The following LINGO2 variants were observed in gnomAD, a reference collection of about 807,000 sequenced individuals.
LINGO2 encodes leucine rich repeat and Ig domain containing 2.
LINGO2 carries 14 observed loss-of-function variants against 30.6 expected under a neutral mutation model. That is an observed-to-expected ratio of 0.46 (90% CI 0.30 to 0.72). The LOEUF (loss-of-function observed/expected upper bound fraction) is 0.72. LINGO2 is among the 30% of genes least tolerant of loss of function. The pLI is 0.07. For missense variants in LINGO2, 729 were observed against 751.7 expected (o/e 0.97, Z 0.35); for synonymous variants, 317 against 288.5 (o/e 1.10, Z -1.00).
chr9:28,858,643 C>A, the LINGO2 span, among the ~76,000 whole-genome samples: 1 of 151,978 alleles, frequency 6.6e-6, no homozygotes, highest in African/African-American at 2.4e-5. Context: ...ACTTCAGAGT[C>A]ACACATTTAG....
At chr9:28,990,698 C>T in the LINGO2 span, among the ~76,000 whole-genome samples, 57 of 152,204 alleles carry the variant, frequency 3.7e-4, no homozygotes, top group African/African-American at 1.2e-3. Context: ...TCGCGGTTCA[C>T]GAAAATCCGC....
chr9:29,177,272 AATAT>A, the LINGO2 span, among the ~76,000 whole-genome samples: 1 of 152,196 alleles, frequency 6.6e-6, no homozygotes, highest in African/African-American at 2.4e-5. Context: ...TTCCCAATAG[AATAT>A]ATACTTACAA....
chr9:28,493,795 G>C (rs528895778), intron 1 of LINGO2, among the ~76,000 whole-genome samples: 1 of 152,054 alleles, frequency 6.6e-6, no homozygotes, highest in African/African-American at 2.4e-5. Context: ...CTGCCAGCAC[G>C]GTCAGAATAA....
chr9:28,090,388 G>C (rs551693312), intron 4 of LINGO2, among the ~76,000 whole-genome samples: 1 of 152,278 alleles, frequency 6.6e-6, no homozygotes, highest in Admixed American at 6.5e-5. Context: ...CTTCATCTCT[G>C]GGATGCAAGG....
the LINGO2 span, among the ~76,000 whole-genome samples, chr9:29,017,781 C>T: frequency 6.6e-6 from 1 of 152,118 alleles, no homozygotes; most frequent in African/African-American, 2.4e-5. Context: ...GGGACCTGTG[C>T]AATCCTGCAA....
At chr9:28,991,042 A>C in the LINGO2 span, among the ~76,000 whole-genome samples, 1 of 152,218 alleles carries the variant, frequency 6.6e-6, no homozygotes, top group Non-Finnish European at 1.5e-5. Context: ...TGAGAGAAGA[A>C]GGCTTCAGAC....
chr9:28,851,959 C>G, the LINGO2 span, among the ~76,000 whole-genome samples: 1 of 151,878 alleles, frequency 6.6e-6, no homozygotes, highest in South Asian at 2.1e-4. Flanking sequence ...TAGTCCTCCT[C>G]TACTAGATAC....
At chr9:28,990,640 G>T in the LINGO2 span, among the ~76,000 whole-genome samples, 2 of 152,070 alleles carry the variant, frequency 1.3e-5, no homozygotes, top group Non-Finnish European at 2.9e-5. Context: ...ACACGGCCGG[G>T]TACTCCTCTG....
the LINGO2 span, among the ~76,000 whole-genome samples, chr9:28,962,938 C>G: frequency 2.0e-5 from 3 of 151,872 alleles, no homozygotes; most frequent in African/African-American, 7.2e-5. Context: ...CCTTTACCTT[C>G]TCAATACTCC....
chr9:29,036,740 C>T, the LINGO2 span, among the ~76,000 whole-genome samples: 1 of 151,880 alleles, frequency 6.6e-6, no homozygotes, highest in East Asian at 1.9e-4. Context: ...TTGTTCAATG[C>T]TACTACAGAA....
the LINGO2 span, among the ~76,000 whole-genome samples, chr9:28,747,598 C>G: frequency 4.2e-4 from 64 of 152,194 alleles, no homozygotes; most frequent in Non-Finnish European, 6.5e-4. Context: ...AGTGCGTGCC[C>G]TGGCTCCTGC....
intron 1 of LINGO2, among the ~76,000 whole-genome samples, chr9:28,498,387 C>T (rs58305915): frequency 0.025 from 3,732 of 152,298 alleles, 130 homozygotes; most frequent in East Asian, 0.094. Context: ...CTCGCTGCTG[C>T]CTTGCAGTTA....
intron 4 of LINGO2, among the ~76,000 whole-genome samples, chr9:28,293,158 T>A (rs944678853): frequency 2.0e-5 from 3 of 152,106 alleles, no homozygotes; most frequent in African/African-American, 7.2e-5. Flanking sequence ...AATGCAGTAG[T>A]GCTATCATAG....
At position 28,129,641 on chromosome 9, in the gene LINGO2, G is replaced by T. The variant is rs767405723; in HGVS notation, c.-86-117236C>A. 5 of 152,202 alleles carry T rather than the reference G, an allele frequency of 3.3e-5. No individual in the cohort carries two copies. Among genetic ancestry groups the T allele is most frequent in the Non-Finnish European group, 5.9e-5 (4 of 68,036 alleles). The allele number at this position is 152,202 out of a possible 1,614,324, so 9.4% of individuals were successfully genotyped here. A position where few individuals can be genotyped will look rare whatever the true frequency, so the allele number is the denominator to read the frequency against. On this transcript the variant is annotated intron_variant, in intron 4 of 5. Coordinates refer to ENST00000379992, the Ensembl canonical transcript of LINGO2. The surrounding 1 kb of genome is among the most constrained non-coding windows in gnomAD (Gnocchi z 4.0). ...CTCATCAATCACCTGAACTAAGGCA[G>T]TAAGTGGGGGAGAAAATCTTTGAAA...
At chr9:28,903,955 C>A in the LINGO2 span, among the ~76,000 whole-genome samples, 1 of 152,054 alleles carries the variant, frequency 6.6e-6, no homozygotes, top group Non-Finnish European at 1.5e-5. Flanking sequence ...ATGCAAAAAT[C>A]CTCAACAAAA....
intron 5 of LINGO2, among the ~76,000 whole-genome samples, chr9:28,003,712 T>C (rs1036766400): frequency 1.8e-4 from 28 of 152,310 alleles, no homozygotes; most frequent in African/African-American, 5.5e-4. Flanking sequence ...CCGCCCGCCT[T>C]GGCCTCCCAG....
intron 1 of LINGO2, among the ~76,000 whole-genome samples, chr9:28,644,585 A>G (rs1827748624): frequency 1.3e-5 from 1 of 79,484 alleles, no homozygotes; most frequent in East Asian, 3.6e-4. Flanking sequence ...TGCAAACAGA[A>G]AAAAAAAAAA....
intron 4 of LINGO2, among the ~76,000 whole-genome samples, chr9:28,150,858 G>A (rs1281208753): frequency 6.6e-6 from 1 of 152,182 alleles, no homozygotes; most frequent in Admixed American, 6.5e-5. Context: ...CGCTTCCTAA[G>A]TGGTAAAAAT....
intron 4 of LINGO2, among the ~76,000 whole-genome samples, chr9:28,228,067 AT>A (rs1821232961): frequency 6.6e-6 from 1 of 152,080 alleles, no homozygotes. Flanking sequence ...TCATATCCTA[AT>A]GATTCCATCT....
Sources: gnomAD v4.1 joint callset for allele counts (sites outside exome capture counted in the v4.1 genomes callset) on GRCh38, gnomAD v4.1.1 for gene constraint, Gnocchi (gnomAD v3.1) non-coding constraint, MANE v1.5 for transcripts, NCBI Gene and HGNC (gene_info 2026-07-23, HGNC 2026-07-21) for gene names.